Variants in PPP1R9A observed in about 807,000 individuals in gnomAD.
PPP1R9A encodes the protein neurabin-1.
In PPP1R9A, 59 loss-of-function variants were observed where a neutral mutation model predicts 141.9. The observed-to-expected ratio is 0.42, with a 90% CI of 0.34 to 0.52. PPP1R9A has a LOEUF of 0.52. Among genes scored for constraint, PPP1R9A ranks in the 20% least tolerant of loss-of-function variants. PPP1R9A has a pLI of 0.10. For synonymous variants in PPP1R9A, 500 were observed against 569.7 expected (o/e 0.88, Z 1.74); for missense variants, 1,444 against 1,611.9 (o/e 0.90, Z 1.78).
At chr7:95,146,898 A>G (rs1584943195) in intron 4 of PPP1R9A, among the ~76,000 whole-genome samples, 1 of 152,296 alleles carries the variant, frequency 6.6e-6, no homozygotes, top group East Asian at 1.9e-4. Context: ...TGGTTACTGC[A>G]GCCTTGTAGT....
intron 2 of PPP1R9A, among the ~76,000 whole-genome samples, chr7:94,970,581 G>T (rs1450089182): frequency 1.3e-5 from 2 of 149,990 alleles, no homozygotes; most frequent in African/African-American, 2.5e-5. Context: ...TGTTGACCTT[G>T]TTGGGAACTG....
rs796657152 is a variant in PPP1R9A, at chr7:95,022,701, T to G, written c.1396-88558T>G. On this transcript the variant is annotated intron_variant, in intron 2 of 19. Coordinates refer to ENST00000433360, the MANE Select transcript of PPP1R9A (RefSeq NM_001166160.2). ...TTTTTAGCATGAAGGGGTGTTGAAT[T>G]TTATTGAAGGCCTTTTCTGCATCTA... is the stretch of plus-strand genomic sequence containing the variant. 5.9e-4 allele frequency among the ~76,000 whole-genome samples: 90 copies of G among 152,286 alleles called. 1 individual carries two copies. The highest frequency in any genetic ancestry group is 2.1e-3 in the African/African-American group (86 of 41,558).
chr7:95,231,463 C>T (rs1194717068), intron 8 of PPP1R9A, among the ~76,000 whole-genome samples: 1 of 152,104 alleles, frequency 6.6e-6, no homozygotes, highest in Non-Finnish European at 1.5e-5. Context: ...TTCATCGGCA[C>T]ATGGAACTTC....
chr7:95,208,619 G>T (rs1244040358), intron 7 of PPP1R9A, among the ~76,000 whole-genome samples: 2 of 151,850 alleles, frequency 1.3e-5, no homozygotes, highest in African/African-American at 4.8e-5. Context: ...AGCTACTTGG[G>T]AGGCTGAGGC....
intron 12 of PPP1R9A, among the ~76,000 whole-genome samples, chr7:95,255,443 T>A (rs564187001): frequency 6.6e-6 from 1 of 152,260 alleles, no homozygotes; most frequent in Admixed American, 6.5e-5. Flanking sequence ...TGAAGGCATA[T>A]TTCTGACTAT....
chr7:94,918,371 G>A lies in PPP1R9A; in HGVS notation c.1395+6863G>A, dbSNP rs191352576. Among the ~76,000 whole-genome samples, 21 of 152,078 alleles carry A rather than the reference G, an allele frequency of 1.4e-4. No individual in the cohort carries two copies. In the East Asian group the frequency reaches 4.1e-3, roughly 30 times the overall value. On this transcript the variant is annotated intron_variant, in intron 2 of 19. Coordinates refer to ENST00000433360, the MANE Select transcript of PPP1R9A (RefSeq NM_001166160.2). ...CTTCTGCTTGAATAATTCTACCGAT[G>A]GAGAGTTTATTACTTTGGAAGGTAA...
At chr7:94,952,807 T>G (rs955548726) in intron 2 of PPP1R9A, among the ~76,000 whole-genome samples, 3 of 137,784 alleles carry the variant, frequency 2.2e-5, no homozygotes, top group Non-Finnish European at 3.0e-5. Context: ...GAGTTGTCTG[T>G]TTTTTTTTCT....
intron 4 of PPP1R9A, among the ~76,000 whole-genome samples, chr7:95,139,606 A>G (rs1220792064): frequency 1.3e-5 from 2 of 152,122 alleles, no homozygotes; most frequent in Non-Finnish European, 2.9e-5. Flanking sequence ...GCCCTAGACT[A>G]TCTTATCCAG....
intron 2 of PPP1R9A, among the ~76,000 whole-genome samples, chr7:95,060,468 C>G (rs772563810): frequency 6.6e-6 from 1 of 152,136 alleles, no homozygotes; most frequent in Non-Finnish European, 1.5e-5. Flanking sequence ...TGACCATGAC[C>G]CATCACCCAG....
At position 95,006,471 on chromosome 7, in the gene PPP1R9A, A is replaced by G. The variant is rs944639426; in HGVS notation, c.1395+94963A>G. Among the ~76,000 whole-genome samples, 13 of 152,004 alleles carry G rather than the reference A, an allele frequency of 8.6e-5. No individual in the cohort carries two copies. In the East Asian group the frequency reaches 2.5e-3, roughly 29 times the overall value. On this transcript the variant is annotated intron_variant, in intron 2 of 19. Transcript: ENST00000433360. ...GGTGATTCACCTGCCTCAGCCTCCCAAAGTGCTGGAATTACAGGCGTGAAC... is the reference window on the plus strand; with the variant it reads ...GGTGATTCACCTGCCTCAGCCTCCCGAAGTGCTGGAATTACAGGCGTGAAC...
chr7:95,016,597 CATT>C (rs1481408043), intron 2 of PPP1R9A, among the ~76,000 whole-genome samples: 9 of 151,998 alleles, frequency 5.9e-5, no homozygotes, highest in Non-Finnish European at 1.0e-4. Flanking sequence ...AAATGAATCT[CATT>C]ATTATTTTGG....
intron 17 of PPP1R9A, among the ~76,000 whole-genome samples, chr7:95,285,251 C>T (rs776900845): frequency 8.5e-5 from 13 of 152,272 alleles, no homozygotes; most frequent in Admixed American, 2.0e-4. Flanking sequence ...TAAGGAAATG[C>T]AATAGAAACA....
chr7:95,250,879 C>T (rs1798782780), intron 10 of PPP1R9A, among the ~76,000 whole-genome samples: 1 of 152,102 alleles, frequency 6.6e-6, no homozygotes, highest in Non-Finnish European at 1.5e-5. Flanking sequence ...TCTCTTGGAT[C>T]TCGGTGTAAT....
At position 95,288,664 on chromosome 7, in the gene PPP1R9A, T is replaced by C; in HGVS notation, c.3858T>C (p.Ser1286=). 4 of 1,614,040 alleles carry C rather than the reference T, an allele frequency of 2.5e-6. No homozygotes were observed. Among genetic ancestry groups the C allele is most frequent in the South Asian group, 1.1e-5 (1 of 91,078 alleles). ...TGGAGCAGTATGTATCTGAATTCAG[T>C]GCCCAAAACATCACTGGAGAACAGC... ...LNLEQYVSEF[S]AQNITGEQLL... Residue 1286 remains serine, a synonymous_variant, in exon 19 of 20, where the codon AGT becomes AGC. Coordinates refer to ENST00000433360, the MANE Select transcript of PPP1R9A (RefSeq NM_001166160.2).
At chr7:95,038,810 G>A (rs941500444) in intron 2 of PPP1R9A, among the ~76,000 whole-genome samples, 1 of 152,122 alleles carries the variant, frequency 6.6e-6, no homozygotes, top group East Asian at 1.9e-4. Context: ...ACACTGGCAC[G>A]TCTCCAGTTT....
chr7:95,079,915 T>C (rs1815524013), intron 2 of PPP1R9A, among the ~76,000 whole-genome samples: 1 of 152,176 alleles, frequency 6.6e-6, no homozygotes, highest in South Asian at 2.1e-4. Flanking sequence ...ACTCAATAAA[T>C]TAGGTATTGA....
intron 2 of PPP1R9A, among the ~76,000 whole-genome samples, chr7:94,990,303 T>C (rs1801347663): frequency 6.6e-6 from 1 of 152,190 alleles, no homozygotes; most frequent in South Asian, 2.1e-4. Flanking sequence ...ATAAGGATTA[T>C]AGAGCCAAAT....
At chr7:95,114,924 C>A (rs1821215447) in intron 3 of PPP1R9A, among the ~76,000 whole-genome samples, 1 of 146,346 alleles carries the variant, frequency 6.8e-6, no homozygotes, top group South Asian at 2.1e-4. Context: ...TAGCACACAG[C>A]AAAACCTTTA....
intron 2 of PPP1R9A, among the ~76,000 whole-genome samples, chr7:94,942,779 G>T (rs1268191086): frequency 1.3e-5 from 2 of 150,984 alleles, no homozygotes; most frequent in Admixed American, 6.7e-5. Flanking sequence ...ACTCCAGCCT[G>T]GGTGACAGAG....
Sources: gnomAD v4.1 joint callset for allele counts (sites outside exome capture counted in the v4.1 genomes callset) on GRCh38, gnomAD v4.1.1 for gene constraint, MANE v1.5 for transcripts, NCBI Gene and HGNC (gene_info 2026-07-23, HGNC 2026-07-21) for gene names.